Variants in BEAN1 observed in about 807,000 individuals in gnomAD.
BEAN1 encodes the protein protein BEAN1.
A neutral mutation model predicts 17.7 loss-of-function variants in BEAN1; 17 were observed. The ratio of observed to expected loss-of-function variants is 0.96; its 90% CI spans 0.66 to 1.44. BEAN1 has a LOEUF of 1.44. Ranked by LOEUF, BEAN1 falls within the 40% of genes most tolerant of loss-of-function variation. The pLI, the probability that BEAN1 is intolerant of heterozygous loss-of-function variation, is 0.00. For synonymous variants in BEAN1, 142 were observed against 151.8 expected (o/e 0.94, Z 0.47); for missense variants, 359 against 374.1 (o/e 0.96, Z 0.33).
intron 2 of BEAN1, among the ~76,000 whole-genome samples, chr16:66,458,626 A>AGG (rs1457398139): frequency 7.0e-6 from 1 of 141,986 alleles, no homozygotes; most frequent in Non-Finnish European, 1.5e-5. Context: ...CTGTGCTACT[A>AGG]TTTGATAAAT....
At chr16:66,493,846 C>T (rs2142492498), downstream of BEAN1, among the ~76,000 whole-genome samples, 1 of 152,348 alleles carries the variant, frequency 6.6e-6, no homozygotes, top group Middle Eastern at 3.4e-3. Context: ...GCTCCCTCAC[C>T]TTCTTGGTCC....
intron 2 of BEAN1, among the ~76,000 whole-genome samples, chr16:66,462,906 C>CAAATAA (rs1015487664): frequency 6.6e-6 from 1 of 151,822 alleles, no homozygotes; most frequent in African/African-American, 2.4e-5. Flanking sequence ...AACAAGTAAA[C>CAAATAA]AAATAAATAA....
At chr16:66,472,243 C>T (rs1395735136) in intron 3 of BEAN1, among the ~76,000 whole-genome samples, 2 of 152,254 alleles carry the variant, frequency 1.3e-5, no homozygotes, top group Admixed American at 1.3e-4. Flanking sequence ...GCACCCATGC[C>T]TCCCTCAGTG....
intron 4 of BEAN1, among the ~76,000 whole-genome samples, chr16:66,492,177 G>T (rs372268236): frequency 7.9e-5 from 12 of 152,086 alleles, no homozygotes; most frequent in African/African-American, 2.9e-4. Context: ...GAGTAGCTGG[G>T]ATTACAGGTG....
intron 2 of BEAN1, among the ~76,000 whole-genome samples, chr16:66,441,380 T>G (rs763715614): frequency 1.2e-4 from 19 of 152,180 alleles, no homozygotes; most frequent in Admixed American, 7.2e-4. Flanking sequence ...GGCACTCACA[T>G]GGACACACAC....
chr16:66,485,123 G>A (rs188547499), downstream of BEAN1: 1,730 of 453,818 alleles, frequency 3.8e-3, 3 homozygotes, highest in Non-Finnish European at 4.8e-3. Flanking sequence ...ACAGAGTAAG[G>A]CTGTTCACAG....
At chr16:66,466,629 G>A (rs1963269354) in intron 2 of BEAN1, among the ~76,000 whole-genome samples, 1 of 152,130 alleles carries the variant, frequency 6.6e-6, no homozygotes. Flanking sequence ...GCAGTGGCAC[G>A]ATCTTTGCTC....
At chr16:66,433,255 C>T (rs552168047) in intron 1 of BEAN1, among the ~76,000 whole-genome samples, 4 of 152,088 alleles carry the variant, frequency 2.6e-5, no homozygotes, top group Admixed American at 6.5e-5. Flanking sequence ...ACTACAGGCG[C>T]ACACCACCAC....
intron 2 of BEAN1, among the ~76,000 whole-genome samples, chr16:66,447,414 A>G (rs1962496297): frequency 6.6e-6 from 1 of 152,160 alleles, no homozygotes; most frequent in African/African-American, 2.4e-5. Context: ...CAATGTGACT[A>G]TGAGGGTTTG....
chr16:66,444,508 A>C (rs1398625545), intron 2 of BEAN1, among the ~76,000 whole-genome samples: 1 of 152,014 alleles, frequency 6.6e-6, no homozygotes, highest in African/African-American at 2.4e-5. Context: ...AGACAGAGAG[A>C]GTGGGTGGCA....
chr16:66,467,339 C>T (rs183713181), intron 2 of BEAN1, among the ~76,000 whole-genome samples: 5 of 152,272 alleles, frequency 3.3e-5, no homozygotes, highest in Admixed American at 1.3e-4. Flanking sequence ...AATTGACTCA[C>T]GGTTCCAGAT....
At chr16:66,474,599 AG>A (rs1567505093) in intron 3 of BEAN1, among the ~76,000 whole-genome samples, 11 of 12,322 alleles carry the variant, frequency 8.9e-4, no homozygotes, top group East Asian at 3.7e-3. Flanking sequence ...GGAGGGAGGG[AG>A]GGAGAGAGGG....
At chr16:66,468,806 A>C (rs1963354438) in intron 2 of BEAN1, among the ~76,000 whole-genome samples, 1 of 152,048 alleles carries the variant, frequency 6.6e-6, no homozygotes, top group South Asian at 2.1e-4. Context: ...CCAGGACCCC[A>C]GCTCCCAAGG....
intron 4 of BEAN1, among the ~76,000 whole-genome samples, chr16:66,487,929 C>A (rs1193036130): frequency 6.6e-6 from 1 of 152,166 alleles, no homozygotes; most frequent in Non-Finnish European, 1.5e-5. Flanking sequence ...CCCCCAAGGA[C>A]CCAGAAAATG....
intron 2 of BEAN1, among the ~76,000 whole-genome samples, chr16:66,439,815 C>G (rs531842549): frequency 1.3e-5 from 2 of 152,292 alleles, no homozygotes; most frequent in East Asian, 3.9e-4. Context: ...CCAGATCCCT[C>G]CATGACTTTG....
downstream of BEAN1, among the ~76,000 whole-genome samples, chr16:66,494,571 G>A (rs769190140): frequency 2.4e-4 from 37 of 152,244 alleles, no homozygotes; most frequent in African/African-American, 7.7e-4. Flanking sequence ...CTGAGTAGCC[G>A]CTTCCCTCAG....
chr16:66,429,880 G>A (rs1961731194), intron 1 of BEAN1, among the ~76,000 whole-genome samples: 1 of 152,210 alleles, frequency 6.6e-6, no homozygotes, highest in Non-Finnish European at 1.5e-5. Context: ...AGGCATTACT[G>A]TCAGGCTTTA....
At chr16:66,488,919 C>T (rs762760102) in intron 4 of BEAN1, among the ~76,000 whole-genome samples, 2 of 152,022 alleles carry the variant, frequency 1.3e-5, no homozygotes, top group Non-Finnish European at 2.9e-5. Flanking sequence ...CACCTGTAAG[C>T]CCAGCACTTT....
chr16:66,476,793 TC>T (rs2142455516), intron 3 of BEAN1, among the ~76,000 whole-genome samples: 1 of 152,298 alleles, frequency 6.6e-6, no homozygotes, highest in Non-Finnish European at 1.5e-5. Context: ...AAAGGAAGAT[TC>T]TGAGGTCGAA....
Sources: gnomAD v4.1 joint callset for allele counts (sites outside exome capture counted in the v4.1 genomes callset) on GRCh38, gnomAD v4.1.1 for gene constraint, MANE v1.5 for transcripts, NCBI Gene and HGNC (gene_info 2026-07-23, HGNC 2026-07-21) for gene names.